VPS13B: variants seen among roughly 807,000 people sequenced by gnomAD.
VPS13B encodes intermembrane lipid transfer protein VPS13B.
A neutral mutation model predicts 426.4 loss-of-function variants in VPS13B; 285 were observed. The observed-to-expected ratio is 0.67, with a 90% CI of 0.61 to 0.74. VPS13B has a LOEUF of 0.74. Ranked by LOEUF, VPS13B falls within the 30% of genes least tolerant of loss-of-function variation. The pLI is 0.00. For missense variants in VPS13B, 4,537 were observed against 4,782.6 expected, an observed-to-expected ratio of 0.95 and a Z score of 1.51; for synonymous variants, 1,676 against 1,676.4, an observed-to-expected ratio of 1.00 and a Z score of 0.01.
chr8:99,826,287 T>A (rs1814677978), intron 51 of VPS13B, among the ~76,000 whole-genome samples: 1 of 152,236 alleles, frequency 6.6e-6, no homozygotes. Context: ...GTCCTTCACA[T>A]CCCTTGTAAG....
intron 5 of VPS13B, among the ~76,000 whole-genome samples, chr8:99,103,792 C>T (rs1846894936): frequency 6.6e-6 from 1 of 152,046 alleles, no homozygotes; most frequent in South Asian, 2.1e-4. Context: ...AGCCACTGCG[C>T]CTGGCCAAAT....
intron 35 of VPS13B, among the ~76,000 whole-genome samples, chr8:99,685,120 T>TA (rs1831330326): frequency 6.6e-6 from 1 of 152,232 alleles, no homozygotes; most frequent in Non-Finnish European, 1.5e-5. Flanking sequence ...GTTTTTAAGA[T>TA]ATATTAGATA....
Position 99,342,805 on chromosome 8 carries a change from T to C in VPS13B, c.2825-41403T>C, listed in dbSNP as rs149454737. 6.2e-4 allele frequency among the ~76,000 whole-genome samples: 94 copies of C among 151,998 alleles called. 2 individuals carry two copies. The highest frequency in any genetic ancestry group is 2.0e-3 in the African/African-American group (81 of 41,496). On this transcript the variant is annotated intron_variant, in intron 19 of 61. Transcript: ENST00000357162. ...CATATGGTAATCTTATTTTTAGTTT[T>C]TTGAGGAACCTCCATACCGTTTTCC...
intron 54 of VPS13B, among the ~76,000 whole-genome samples, chr8:99,836,749 CG>C (rs1815413716): frequency 6.6e-6 from 1 of 152,136 alleles, no homozygotes; most frequent in African/African-American, 2.4e-5. Flanking sequence ...AATGCATTTA[CG>C]GTAGTAATAA....
intron 19 of VPS13B, among the ~76,000 whole-genome samples, chr8:99,339,741 G>A (rs754923637): frequency 1.2e-4 from 18 of 152,006 alleles, no homozygotes; most frequent in Non-Finnish European, 2.1e-4. Flanking sequence ...GAAAGGCAGT[G>A]CTTTCTTTAG....
intron 40 of VPS13B, among the ~76,000 whole-genome samples, chr8:99,767,531 C>G (rs984300721): frequency 3.4e-5 from 5 of 147,186 alleles, no homozygotes; most frequent in African/African-American, 1.3e-4. Flanking sequence ...CGACAGTCCT[C>G]CAGACACTAA....
chr8:99,690,389 G>T (rs1002429840), intron 35 of VPS13B, among the ~76,000 whole-genome samples: 2 of 152,112 alleles, frequency 1.3e-5, no homozygotes, highest in Non-Finnish European at 1.5e-5. Context: ...GTGACTTTGG[G>T]TTAAACAATG....
chr8:99,130,821 A>T (rs1809744289), intron 8 of VPS13B, among the ~76,000 whole-genome samples: 1 of 152,212 alleles, frequency 6.6e-6, no homozygotes, highest in African/African-American at 2.4e-5. Flanking sequence ...GCTACATTGT[A>T]TATATCAGTA....
intron 23 of VPS13B, among the ~76,000 whole-genome samples, chr8:99,456,842 T>C (rs1818486949): frequency 6.6e-6 from 1 of 152,172 alleles, no homozygotes; most frequent in Non-Finnish European, 1.5e-5. Flanking sequence ...TTCTGTCCTG[T>C]TTTTGTAAGT....
At chr8:99,606,150 C>A (rs1158558949) in intron 33 of VPS13B, among the ~76,000 whole-genome samples, 2 of 152,090 alleles carry the variant, frequency 1.3e-5, no homozygotes, top group Non-Finnish European at 2.9e-5. Context: ...GAGTGATCCA[C>A]CTGCCTTGGC....
At chr8:99,538,006 A>G (rs1271488424) in intron 30 of VPS13B, among the ~76,000 whole-genome samples, 1 of 152,194 alleles carries the variant, frequency 6.6e-6, no homozygotes, top group Non-Finnish European at 1.5e-5. Flanking sequence ...AGATTATTCA[A>G]CATTGGAGAC....
intron 40 of VPS13B, among the ~76,000 whole-genome samples, chr8:99,767,402 A>G (rs1264493447): frequency 6.6e-6 from 1 of 151,604 alleles, no homozygotes; most frequent in African/African-American, 2.4e-5. Context: ...GTCTCCTTCT[A>G]AAAGGTAAAT....
At chr8:99,161,833 A>G (rs907110538) in intron 15 of VPS13B, among the ~76,000 whole-genome samples, 1 of 151,494 alleles carries the variant, frequency 6.6e-6, no homozygotes, top group Non-Finnish European at 1.5e-5. Context: ...CCCAGGTTCA[A>G]GCGATTCTCC....
chr8:99,257,113 G>A (rs1047149081), intron 17 of VPS13B, among the ~76,000 whole-genome samples: 3 of 152,162 alleles, frequency 2.0e-5, no homozygotes, highest in Non-Finnish European at 4.4e-5. Context: ...ATGCTTAGGT[G>A]CAGACAAAAC....
chr8:99,711,399 GT>G (rs1406024124), intron 36 of VPS13B, among the ~76,000 whole-genome samples: 1 of 152,208 alleles, frequency 6.6e-6, no homozygotes, highest in Non-Finnish European at 1.5e-5. Context: ...GGCAATGGCT[GT>G]TCCTGTGTCC....
At chr8:99,233,583 C>CCAG in intron 17 of VPS13B, 2 of 1,225,292 alleles carry the variant, frequency 1.6e-6, no homozygotes, top group South Asian at 2.4e-5. Context: ...GTATTAACAG[C>CCAG]CAGCATATCA....
chr8:99,058,222 G>A (rs1843986063), intron 3 of VPS13B, among the ~76,000 whole-genome samples: 1 of 151,888 alleles, frequency 6.6e-6, no homozygotes, highest in African/African-American at 2.4e-5. Context: ...GGAACAGACT[G>A]ACGGCAGAAG....
At chr8:99,536,514 A>G in intron 30 of VPS13B, 2 of 349,904 alleles carry the variant, frequency 5.7e-6, no homozygotes, top group South Asian at 4.8e-5. Flanking sequence ...TACCATAGTT[A>G]TTTAGTGAAA....
In VPS13B at chr8:99,853,645, G is replaced by T; in HGVS notation, c.10256G>T (p.Cys3419Phe). 6.2e-7 allele frequency: 1 copy of T among 1,614,188 alleles called. No individual in the cohort carries two copies. The highest frequency in any genetic ancestry group is 1.3e-5 in the African/African-American group (1 of 75,044). Residue 3419 changes from cysteine to phenylalanine, a missense_variant, in exon 56 of 62, where the codon TGT (cysteine) becomes TTT (phenylalanine). Coordinates refer to ENST00000357162, the MANE Select transcript of VPS13B (RefSeq NM_152564.5). ...GTGGCTGCGTTGTTTGAACTTTACT[G>T]TGTGGAGATCTGCTGTGGGGACCTG... is the stretch of plus-strand genomic sequence containing the variant. ...EPVAALFELY[C>F]VEICCGDLQL... is the part of the protein sequence containing the mutation.
Sources: allele counts gnomAD v4.1 joint callset (sites outside exome capture counted in the v4.1 genomes callset), GRCh38; gene constraint gnomAD v4.1.1; transcripts MANE v1.5; gene names NCBI Gene and HGNC (gene_info 2026-07-23, HGNC 2026-07-21).